CDKL4: variants seen among roughly 807,000 people sequenced by gnomAD.
CDKL4 encodes cyclin-dependent kinase-like 4.
A neutral mutation model predicts 42.0 loss-of-function variants in CDKL4; 44 were observed. That is an observed-to-expected ratio of 1.05 (90% CI 0.82 to 1.35). The LOEUF is 1.35. Ranked by LOEUF, CDKL4 falls within the 40% of genes most tolerant of loss-of-function variation. The pLI, the probability that CDKL4 is intolerant of heterozygous loss-of-function variation, is 0.00. For synonymous variants in CDKL4, 120 were observed against 121.6 expected (o/e 0.99, Z 0.09); for missense variants, 393 against 369.9 (o/e 1.06, Z -0.51).
intron 3 of CDKL4, among the ~76,000 whole-genome samples, chr2:39,214,974 A>C (rs1428409468): frequency 6.6e-6 from 1 of 152,140 alleles, no homozygotes; most frequent in Admixed American, 6.5e-5. Context: ...AATTATAGCA[A>C]TTACATTCTC....
chr2:39,189,240 A>C (rs763806721), intron 6 of CDKL4, among the ~76,000 whole-genome samples: 1 of 152,174 alleles, frequency 6.6e-6, no homozygotes, highest in Non-Finnish European at 1.5e-5. Context: ...CTTTCTTTGC[A>C]TCCATGCTGT....
intron 3 of CDKL4, among the ~76,000 whole-genome samples, chr2:39,214,216 C>T (rs943803120): frequency 3.3e-5 from 5 of 152,126 alleles, no homozygotes; most frequent in Non-Finnish European, 5.9e-5. Context: ...AGACACTATG[C>T]CCGGCCAGTA....
chr2:39,240,385 A>C (rs972784477), intron 1 of CDKL4, among the ~76,000 whole-genome samples: 1 of 150,728 alleles, frequency 6.6e-6, no homozygotes, highest in Non-Finnish European at 1.5e-5. Flanking sequence ...GTGCCATTGC[A>C]CTCCAGACTA....
chr2:39,220,507 T>C (rs764182514), intron 3 of CDKL4, among the ~76,000 whole-genome samples: 2 of 152,120 alleles, frequency 1.3e-5, no homozygotes, highest in Non-Finnish European at 2.9e-5. Flanking sequence ...ATTTCATGGG[T>C]GTTGGACCAG....
intron 4 of CDKL4, 115 bp downstream of exon 4, chr2:39,213,285 T>G (rs767226807): frequency 1.3e-5 from 9 of 669,790 alleles, no homozygotes; most frequent in Non-Finnish European, 2.3e-5. Flanking sequence ...TTTGTTTTGC[T>G]TCTTTGGCTC....
chr2:39,206,064 T>A (rs976878501), intron 4 of CDKL4, among the ~76,000 whole-genome samples: 105 of 151,986 alleles, frequency 6.9e-4, no homozygotes, highest in Non-Finnish European at 1.3e-3. Context: ...GTTTTTTGTT[T>A]TTTTTTTGAG....
At position 39,180,770 on chromosome 2, in the gene CDKL4, A is replaced by G. The variant is rs1039034949; in HGVS notation, c.793-1449T>C. ...CAGTAGCGCCACCTCGGCTCACTGC[A>G]AACTCCACCTCCCAGGTTTGAGCGA... is the stretch of plus-strand genomic sequence containing the variant. On this transcript the variant is annotated intron_variant, in intron 8 of 9. Coordinates refer to ENST00000451199, the Ensembl canonical transcript of CDKL4. Among the ~76,000 whole-genome samples, 9 of 149,710 alleles carry G rather than the reference A, an allele frequency of 6.0e-5. No homozygotes were observed. In the East Asian group the frequency reaches 1.8e-3, roughly 30 times the overall value.
intron 1 of CDKL4, among the ~76,000 whole-genome samples, chr2:39,231,573 A>G (rs1679093624): frequency 1.3e-5 from 2 of 152,252 alleles, no homozygotes; most frequent in African/African-American, 4.8e-5. Flanking sequence ...AAATTCAAGC[A>G]TACACACTCA....
At chr2:39,242,811 CG>C (rs1297812067) in intron 1 of CDKL4, among the ~76,000 whole-genome samples, 8 of 151,932 alleles carry the variant, frequency 5.3e-5, no homozygotes, top group Non-Finnish European at 1.2e-4. Flanking sequence ...AGGAATGATG[CG>C]GATGGCCGGG....
chr2:39,172,128 G>A (rs764834516), downstream of CDKL4, among the ~76,000 whole-genome samples: 1 of 151,984 alleles, frequency 6.6e-6, no homozygotes, highest in South Asian at 2.1e-4. Context: ...GGCCAACATG[G>A]TGAAACCCCA....
intron 5 of CDKL4, among the ~76,000 whole-genome samples, chr2:39,200,843 A>G (rs1447439863): frequency 6.6e-6 from 1 of 152,240 alleles, no homozygotes; most frequent in African/African-American, 2.4e-5. Context: ...TCATCTCAAG[A>G]TGGATCAAAG....
chr2:39,210,416 A>G (rs1677519965), intron 4 of CDKL4, among the ~76,000 whole-genome samples: 1 of 152,188 alleles, frequency 6.6e-6, no homozygotes. Context: ...TTGGTCTACA[A>G]TAATGTTTGG....
At chr2:39,238,000 C>T (rs949485784) in intron 1 of CDKL4, among the ~76,000 whole-genome samples, 2 of 152,172 alleles carry the variant, frequency 1.3e-5, no homozygotes, top group African/African-American at 4.8e-5. Flanking sequence ...CATTTAACAA[C>T]TGAAGTGCAA....
intron 4 of CDKL4, among the ~76,000 whole-genome samples, chr2:39,205,759 C>CAAAAAAAAA (rs1167041058): frequency 1.7e-4 from 13 of 78,488 alleles, no homozygotes; most frequent in African/African-American, 3.3e-4. Context: ...GACTCCGTCT[C>CAAAAAAAAA]AAAAAAAAAA....
At chr2:39,212,319 C>T (rs1375655109) in intron 4 of CDKL4, among the ~76,000 whole-genome samples, 4 of 151,454 alleles carry the variant, frequency 2.6e-5, no homozygotes, top group African/African-American at 4.9e-5. Flanking sequence ...CTGCAAGCTC[C>T]GCCTCCTGGG....
intron 1 of CDKL4, among the ~76,000 whole-genome samples, chr2:39,239,104 T>C (rs1679517220): frequency 6.6e-6 from 1 of 152,154 alleles, no homozygotes; most frequent in Non-Finnish European, 1.5e-5. Flanking sequence ...AAGAATAGTC[T>C]TTTCAACAAA....
At chr2:39,207,117 C>T (rs923370376) in intron 4 of CDKL4, among the ~76,000 whole-genome samples, 1 of 152,210 alleles carries the variant, frequency 6.6e-6, no homozygotes, top group Non-Finnish European at 1.5e-5. Flanking sequence ...TGGGCATGGT[C>T]GCTGATGCCT....
chr2:39,237,414 C>T (rs1679430456), intron 1 of CDKL4, among the ~76,000 whole-genome samples: 1 of 152,192 alleles, frequency 6.6e-6, no homozygotes, highest in South Asian at 2.1e-4. Flanking sequence ...CTACAGTTAA[C>T]ATCATGCTTA....
chr2:39,178,500 A>G (rs1218474904), intron 9 of CDKL4: 1 of 1,485,908 alleles, frequency 6.7e-7, no homozygotes, highest in Non-Finnish European at 9.2e-7. Context: ...CCGGGTTTAC[A>G]AGGTGAGAAA....
Sources: gnomAD v4.1 joint callset for allele counts (sites outside exome capture counted in the v4.1 genomes callset) on GRCh38, gnomAD v4.1.1 for gene constraint, MANE v1.5 for transcripts, NCBI Gene and HGNC (gene_info 2026-07-23, HGNC 2026-07-21) for gene names.